ZNF257: variants seen among roughly 807,000 people sequenced by gnomAD.
The protein encoded by ZNF257 is zinc finger protein 257.
ZNF257 carries 12 observed loss-of-function variants against 11.9 expected under a neutral mutation model. That is an observed-to-expected ratio of 1.01 (90% CI 0.65 to 1.63). The LOEUF is 1.63. Ranked by LOEUF, ZNF257 falls within the 40% of genes most tolerant of loss-of-function variation. The pLI is 0.00. For missense variants in ZNF257, 580 were observed against 665.5 expected, an observed-to-expected ratio of 0.87 and a Z score of 1.41; for synonymous variants, 183 against 222.7, an observed-to-expected ratio of 0.82 and a Z score of 1.59.
At chr19:22,077,598 GAC>G (rs2022256841) in intron 3 of ZNF257, among the ~76,000 whole-genome samples, 4 of 151,986 alleles carry the variant, frequency 2.6e-5, no homozygotes, top group Middle Eastern at 3.2e-3. Flanking sequence ...CTTCAAATGT[GAC>G]AAGATTTTAT....
rs1199558447 is a variant in ZNF257, at chr19:22,058,064, A to T, written c.3+5429A>T. 2.0e-5 allele frequency among the ~76,000 whole-genome samples: 3 copies of T among 152,056 alleles called. No homozygotes were observed. The East Asian group carries it at 5.8e-4, about 29-fold the overall frequency. ...GGCATAAGCCACCGCGCCTAGCCAA[A>T]TTCAGCTGATTTTTATATGAGAAAA... On this transcript the variant is annotated intron_variant, in intron 1 of 3. Transcript: ENST00000594947.
At chr19:22,077,680 G>C (rs2022258712) in intron 3 of ZNF257, among the ~76,000 whole-genome samples, 1 of 151,980 alleles carries the variant, frequency 6.6e-6, no homozygotes, top group Non-Finnish European at 1.5e-5. Flanking sequence ...AAGACATTTG[G>C]GTTGCTTCAG....
chr19:22,089,693 A>G lies in ZNF257; in HGVS notation c.*251A>G. The G allele has an allele frequency of 1.1e-6, 1 of 880,432 alleles. No individual in the cohort carries two copies. Among genetic ancestry groups the G allele is most frequent in the Non-Finnish European group, 1.6e-6 (1 of 625,132 alleles). 54.5% of individuals were successfully genotyped at this position (880,432 alleles called of 1,614,324 possible). A position where few individuals can be genotyped will look rare whatever the true frequency, so the allele number is the denominator to read the frequency against. On this transcript the variant is annotated 3_prime_UTR_variant, in exon 4 of 4. Transcript: ENST00000594947. ...TTACTAAACATGAGAACACATGTGGAAGATAAAGCCTACAAATATGAAGAA... is the reference window on the plus strand; with the variant it reads ...TTACTAAACATGAGAACACATGTGGGAGATAAAGCCTACAAATATGAAGAA...
At chr19:22,076,290 AAAT>A (rs879831002) in intron 3 of ZNF257, among the ~76,000 whole-genome samples, 5 of 149,856 alleles carry the variant, frequency 3.3e-5, no homozygotes, top group Middle Eastern at 3.6e-3. Flanking sequence ...TATACAAAAT[AAAT>A]AATAAATACA....
intron 3 of ZNF257, among the ~76,000 whole-genome samples, chr19:22,079,537 G>T (rs999006985): frequency 2.6e-5 from 4 of 152,116 alleles, no homozygotes; most frequent in African/African-American, 9.7e-5. Context: ...TTACATGGTG[G>T]AAGACAAGAG....
In ZNF257 at chr19:22,081,341, A is replaced by G. The variant is rs561352437; in HGVS notation, c.227-6636A>G. ...TCTCATGCTAGTACTTAGGACTACCATAATTATGTCTACCATAATTATGCC... is the reference window on the plus strand; with the variant it reads ...TCTCATGCTAGTACTTAGGACTACCGTAATTATGTCTACCATAATTATGCC... On this transcript the variant is annotated intron_variant, in intron 3 of 3. Transcript: ENST00000594947. 1.6e-3 allele frequency among the ~76,000 whole-genome samples: 241 copies of G among 152,122 alleles called. 1 individual carries two copies. The highest frequency in any genetic ancestry group is 5.5e-3 in the African/African-American group (228 of 41,472).
chr19:22,072,688 G>A (rs965681020), intron 1 of ZNF257, 121 bp from the exon 2 acceptor site: 19 of 1,156,362 alleles, frequency 1.6e-5, no homozygotes, highest in Non-Finnish European at 2.3e-5. Context: ...GATAATTTTG[G>A]TCACTCCAAT....
intron 1 of ZNF257, among the ~76,000 whole-genome samples, chr19:22,062,125 G>A (rs2021812186): frequency 6.7e-6 from 1 of 149,192 alleles, no homozygotes; most frequent in Admixed American, 6.7e-5. Context: ...CAGTGGCATG[G>A]TGTTGCCTCA....
chr19:22,089,677 A>G lies in ZNF257; in HGVS notation c.*235A>G, dbSNP rs997299826. 7.0e-6 allele frequency: 7 copies of G among 998,758 alleles called. No homozygotes were observed. The highest frequency in any genetic ancestry group is 8.3e-6 in the Non-Finnish European group (6 of 725,886). 61.9% of individuals were successfully genotyped at this position (998,758 alleles called of 1,614,324 possible). On this transcript the variant is annotated 3_prime_UTR_variant, in exon 4 of 4. Coordinates refer to ENST00000594947, the MANE Select transcript of ZNF257 (RefSeq NM_033468.4). ...TCCCAGTTCTCAACTCTTACTAAACATGAGAACACATGTGGAAGATAAAGC... is the reference window on the plus strand; with the variant it reads ...TCCCAGTTCTCAACTCTTACTAAACGTGAGAACACATGTGGAAGATAAAGC...
At chr19:22,064,652 T>C (rs2021893796) in intron 1 of ZNF257, among the ~76,000 whole-genome samples, 1 of 152,216 alleles carries the variant, frequency 6.6e-6, no homozygotes, top group Non-Finnish European at 1.5e-5. Context: ...GTTCAGTATA[T>C]AAACTGAACA....
At chr19:22,070,123 A>G (rs2022064735) in intron 1 of ZNF257, among the ~76,000 whole-genome samples, 1 of 151,652 alleles carries the variant, frequency 6.6e-6, no homozygotes, top group South Asian at 2.1e-4. Flanking sequence ...TGGGAATAAT[A>G]AAGTATGTAT....
chr19:22,065,750 A>G (rs1450846292), intron 1 of ZNF257: 1 of 152,198 alleles, frequency 6.6e-6, no homozygotes, highest in Non-Finnish European at 1.5e-5. Context: ...AAAAACCGTA[A>G]TAGCTCTTTA....
chr19:22,060,346 G>C (rs555255792), intron 1 of ZNF257, among the ~76,000 whole-genome samples: 8 of 152,118 alleles, frequency 5.3e-5, no homozygotes, highest in African/African-American at 1.9e-4. Context: ...TATCCATTCA[G>C]ATTTGTGTGA....
In ZNF257 at chr19:22,089,919, T is replaced by TA. The variant is rs896376036; in HGVS notation, c.*486dup. ...ACAATACCTCAAACTTTTCTAAACA[T>TA]AAAAAAAAATTATACTAGTGCGAAA... On this transcript the variant is annotated 3_prime_UTR_variant, in exon 4 of 4. Coordinates refer to ENST00000594947, the MANE Select transcript of ZNF257 (RefSeq NM_033468.4). 7.7e-5 allele frequency: 12 copies of TA among 155,346 alleles called. No individual in the cohort carries two copies. Among genetic ancestry groups the TA allele is most frequent in the African/African-American group, 2.4e-4 (10 of 41,196 alleles). The allele number at this position is 155,346 out of a possible 1,614,324, so 9.6% of individuals were successfully genotyped here. A position where few individuals can be genotyped will look rare whatever the true frequency, so the allele number is the denominator to read the frequency against.
intron 3 of ZNF257, among the ~76,000 whole-genome samples, chr19:22,086,306 A>C (rs1599674792): frequency 6.6e-6 from 1 of 152,114 alleles, no homozygotes; most frequent in African/African-American, 2.4e-5. Context: ...AACTTCAGTT[A>C]TATACAAAAA....
intron 1 of ZNF257, among the ~76,000 whole-genome samples, chr19:22,057,202 A>G (rs2021666054): frequency 6.6e-6 from 1 of 152,202 alleles, no homozygotes; most frequent in African/African-American, 2.4e-5. Flanking sequence ...TATGAAATAT[A>G]AGCACCTTAA....
chr19:22,080,838 G>A (rs1233189473), intron 3 of ZNF257, among the ~76,000 whole-genome samples: 1 of 149,568 alleles, frequency 6.7e-6, no homozygotes, highest in Non-Finnish European at 1.5e-5. Flanking sequence ...AGCTAGATAA[G>A]TATTTTATTA....
chr19:22,082,298 A>T (rs1172561056), intron 3 of ZNF257, among the ~76,000 whole-genome samples: 2 of 152,152 alleles, frequency 1.3e-5, no homozygotes, highest in Non-Finnish European at 2.9e-5. Flanking sequence ...TTACATAGTC[A>T]TATGATGCTG....
chr19:22,064,328 C>T (rs1196659541), intron 1 of ZNF257: 2 of 152,192 alleles, frequency 1.3e-5, no homozygotes, highest in Admixed American at 6.5e-5. Context: ...ATTATATTAA[C>T]AGCTAAGTAA....
Sources: gnomAD v4.1 joint callset for allele counts (sites outside exome capture counted in the v4.1 genomes callset) on GRCh38, gnomAD v4.1.1 for gene constraint, MANE v1.5 for transcripts, NCBI Gene and HGNC (gene_info 2026-07-23, HGNC 2026-07-21) for gene names.